Variants in ALK observed in about 807,000 individuals in gnomAD.
ALK encodes the protein ALK receptor tyrosine kinase, also known as ALK tyrosine kinase receptor.
In ALK, 74 loss-of-function variants were observed where a neutral mutation model predicts 163.1. That is an observed-to-expected ratio of 0.45 (90% CI 0.38 to 0.55). ALK has a LOEUF of 0.55. Ranked by LOEUF, ALK falls within the 20% of genes least tolerant of loss-of-function variation. The pLI is 0.00. For missense variants in ALK, 2,063 were observed against 2,105.3 expected (o/e 0.98, Z 0.39); for synonymous variants, 960 against 843.2 (o/e 1.14, Z -2.40).
At chr2:29,705,880 G>A (rs1056409574) in intron 2 of ALK, among the ~76,000 whole-genome samples, 1 of 152,178 alleles carries the variant, frequency 6.6e-6, no homozygotes, top group Admixed American at 6.5e-5. Flanking sequence ...ATGGCAGAGA[G>A]CACATAAGAG....
In ALK at chr2:29,318,324, T is replaced by C. The variant is rs1308199300; in HGVS notation, c.1627A>G (p.Ile543Val). The C allele has an allele frequency of 1.2e-6, 2 of 1,613,566 alleles. No individual in the cohort carries two copies. The highest frequency in any genetic ancestry group is 2.7e-5 in the African/African-American group (2 of 74,884). Reference sequence around the variant, plus strand: ...CTTGCCTCACATGGAGAGCTCTTGATCGGTGCAGGAAACGTAGCACTGGTC... The same window carrying C: ...CTTGCCTCACATGGAGAGCTCTTGACCGGTGCAGGAAACGTAGCACTGGTC... ...TVTSATFPAP[I>V]KSSPCELRMS... Residue 543 changes from isoleucine to valine, a missense_variant, in exon 8 of 29, where the codon ATC becomes GTC. By Grantham distance (29) the Ile-to-Val change is conservative. Coordinates refer to ENST00000389048, the MANE Select transcript of ALK (RefSeq NM_004304.5).
At chr2:29,420,322 T>C (rs957240654) in intron 4 of ALK, among the ~76,000 whole-genome samples, 1 of 151,478 alleles carries the variant, frequency 6.6e-6, no homozygotes, top group Non-Finnish European at 1.5e-5. Context: ...CTATCTGAAA[T>C]AGAACAAACT....
chr2:29,289,788 C>A (rs186753233), intron 9 of ALK, among the ~76,000 whole-genome samples: 2 of 152,216 alleles, frequency 1.3e-5, no homozygotes, highest in East Asian at 3.9e-4. Flanking sequence ...GGGTGGTAGT[C>A]ATTGCTCTCT....
intron 23 of ALK, among the ~76,000 whole-genome samples, chr2:29,216,286 C>T (rs1466095808): frequency 6.6e-6 from 1 of 152,100 alleles, no homozygotes; most frequent in South Asian, 2.1e-4. Flanking sequence ...AGCGAAATAT[C>T]TTTTTGCTCT....
At chr2:29,654,486 A>G (rs914750975) in intron 3 of ALK, among the ~76,000 whole-genome samples, 2 of 152,176 alleles carry the variant, frequency 1.3e-5, no homozygotes, top group African/African-American at 4.8e-5. Flanking sequence ...GAAAGAATCC[A>G]TGAAAAAGGA....
intron 1 of ALK, among the ~76,000 whole-genome samples, chr2:29,815,456 T>C (rs1475597298): frequency 6.6e-6 from 1 of 152,108 alleles, no homozygotes; most frequent in African/African-American, 2.4e-5. Context: ...ATCTGGTTGT[T>C]GCAAAGAAGG....
intron 1 of ALK, among the ~76,000 whole-genome samples, chr2:29,915,344 C>T (rs567422521): frequency 6.6e-6 from 1 of 152,320 alleles, no homozygotes; most frequent in African/African-American, 2.4e-5. Flanking sequence ...AGCAACTCTC[C>T]TGAGTAGCTG....
chr2:29,333,783 C>A (rs896374944), intron 5 of ALK, among the ~76,000 whole-genome samples: 4 of 151,976 alleles, frequency 2.6e-5, no homozygotes, highest in Non-Finnish European at 4.4e-5. Flanking sequence ...TGCCTGGCTG[C>A]CTTTTTTTTG....
intron 5 of ALK, among the ~76,000 whole-genome samples, chr2:29,374,118 G>C (rs933217356): frequency 2.0e-5 from 3 of 152,206 alleles, no homozygotes; most frequent in Non-Finnish European, 4.4e-5. Flanking sequence ...TAGTTGTGCA[G>C]AATTATTCAG....
chr2:29,847,946 C>G (rs192231294), intron 1 of ALK, among the ~76,000 whole-genome samples: 2 of 152,080 alleles, frequency 1.3e-5, no homozygotes, highest in Admixed American at 1.3e-4. Flanking sequence ...AGCTTTGATA[C>G]GCTCATTGTC....
At chr2:29,263,234 T>C (rs970699183) in intron 11 of ALK, among the ~76,000 whole-genome samples, 3 of 152,226 alleles carry the variant, frequency 2.0e-5, no homozygotes, top group African/African-American at 7.2e-5. Context: ...TGCATCACCA[T>C]AGGGGTTATG....
chr2:29,404,138 T>C (rs1669522305), intron 4 of ALK, among the ~76,000 whole-genome samples: 1 of 151,654 alleles, frequency 6.6e-6, no homozygotes, highest in African/African-American at 2.4e-5. Flanking sequence ...ACCCCATCTC[T>C]ACTAAAAATA....
At chr2:29,851,098 T>C (rs1665978705) in intron 1 of ALK, among the ~76,000 whole-genome samples, 1 of 152,202 alleles carries the variant, frequency 6.6e-6, no homozygotes, top group Admixed American at 6.5e-5. Flanking sequence ...ACTTCCCCAA[T>C]AGTTGCATTG....
intron 25 of ALK, among the ~76,000 whole-genome samples, chr2:29,208,512 T>G (rs1669374470): frequency 6.6e-6 from 1 of 152,138 alleles, no homozygotes; most frequent in Admixed American, 6.6e-5. Flanking sequence ...GTGGGTAGTG[T>G]TAGAAGGCGA....
At chr2:29,783,198 T>A (rs970800319) in intron 1 of ALK, among the ~76,000 whole-genome samples, 3 of 152,236 alleles carry the variant, frequency 2.0e-5, no homozygotes, top group Admixed American at 2.0e-4. Flanking sequence ...TCTTCCCCCC[T>A]TTGTGATGGA....
At chr2:29,645,779 C>T (rs1413880777) in intron 3 of ALK, among the ~76,000 whole-genome samples, 1 of 152,154 alleles carries the variant, frequency 6.6e-6, no homozygotes, top group African/African-American at 2.4e-5. Flanking sequence ...CCCACACCCA[C>T]ACTTCCTTCA....
At chr2:29,577,806 T>A (rs1558392449) in intron 3 of ALK, among the ~76,000 whole-genome samples, 2 of 152,224 alleles carry the variant, frequency 1.3e-5, no homozygotes, top group Non-Finnish European at 2.9e-5. Flanking sequence ...TGATGAATCT[T>A]TTCTGGCAAC....
intron 3 of ALK, among the ~76,000 whole-genome samples, chr2:29,636,541 G>A (rs1314137486): frequency 6.6e-6 from 1 of 152,044 alleles, no homozygotes; most frequent in Admixed American, 6.6e-5. Context: ...GCAACAGAAA[G>A]AGTTCTTAGA....
At chr2:29,357,292 TC>T (rs1425211665) in intron 5 of ALK, among the ~76,000 whole-genome samples, 10 of 152,174 alleles carry the variant, frequency 6.6e-5, no homozygotes, top group Non-Finnish European at 1.3e-4. Flanking sequence ...TGCCCTCATC[TC>T]CTCCTCATGA....
Sources: gnomAD v4.1 joint callset for allele counts (sites outside exome capture counted in the v4.1 genomes callset) on GRCh38, gnomAD v4.1.1 for gene constraint, MANE v1.5 for transcripts, NCBI Gene and HGNC (gene_info 2026-07-23, HGNC 2026-07-21) for gene names.